Variants in ANKRD54 observed in about 807,000 individuals in gnomAD.
ANKRD54 encodes ankyrin repeat domain-containing protein 54.
In ANKRD54, 26 loss-of-function variants were observed where a neutral mutation model predicts 36.2. The observed-to-expected ratio is 0.72, with a 90% CI of 0.53 to 1.00. The LOEUF is 1.00. Ranked by LOEUF, ANKRD54 falls within the 50% of genes least tolerant of loss-of-function variation. The pLI is 0.00. For synonymous variants in ANKRD54, 209 were observed against 188.4 expected (o/e 1.11, Z -0.89); for missense variants, 384 against 424.3 (o/e 0.91, Z 0.83).
In ANKRD54 at chr22:37,843,900, GCGCCGCTCA is replaced by G. The variant is rs1924605466; in HGVS notation, c.328+2_328+10del. 1.6e-6 allele frequency: 2 copies of G among 1,221,170 alleles called. No individual in the cohort carries two copies. Among genetic ancestry groups the G allele is most frequent in the Non-Finnish European group, 2.0e-6 (2 of 982,740 alleles). The allele number at this position is 1,221,170 out of a possible 1,614,324, so 75.6% of individuals were successfully genotyped here. A position where few individuals can be genotyped will look rare whatever the true frequency, so the allele number is the denominator to read the frequency against. On this transcript the variant is annotated splice_donor_variant and splice_donor_5th_base_variant and intron_variant, in intron 1 of 7. Coordinates refer to ENST00000215941, the MANE Select transcript of ANKRD54 (RefSeq NM_138797.4). LOFTEE classifies it high-confidence loss of function. ...CCCGCCCCGGGCCCCCGCGCCGCTC[GCGCCGCTCA>G]CCGTGCACCTCCTTGCCCGTGGGCC...
upstream of ANKRD54, chr22:37,847,877 G>A: frequency 3.3e-6 from 1 of 302,242 alleles, no homozygotes; most frequent in East Asian, 1.1e-4. Context: ...GCTGGGCATT[G>A]CAATTCTCAA....
chr22:37,844,271 G>C lies in ANKRD54; in HGVS notation c.-33C>G. The C allele has an allele frequency of 2.6e-6, 4 of 1,542,326 alleles. No homozygotes were observed. Among genetic ancestry groups the C allele is most frequent in the Non-Finnish European group, 3.5e-6 (4 of 1,152,438 alleles). ...GCTCCGCGCGGGCCTGGCCGCCTGA[G>C]CCTCGTTCCCGACCGACCAACGGAC... On this transcript the variant is annotated 5_prime_UTR_variant, in exon 1 of 8. Coordinates refer to ENST00000215941, the MANE Select transcript of ANKRD54 (RefSeq NM_138797.4).
intron 2 of ANKRD54, 35 bp downstream of exon 2, chr22:37,840,152 G>A (rs1268989741): frequency 9.3e-6 from 15 of 1,613,610 alleles, no homozygotes; most frequent in Non-Finnish European, 1.3e-5. Context: ...ACCAGCCCAT[G>A]GGACCCTGTA....
At chr22:37,846,001 C>T (rs1460666611), upstream of ANKRD54, among the ~76,000 whole-genome samples, 1 of 151,992 alleles carries the variant, frequency 6.6e-6, no homozygotes, top group Non-Finnish European at 1.5e-5. Context: ...GGTGAAACCC[C>T]GTCTCTACTA....
At chr22:37,840,549 A>G (rs981689386) in intron 1 of ANKRD54, among the ~76,000 whole-genome samples, 5 of 151,660 alleles carry the variant, frequency 3.3e-5, no homozygotes, top group African/African-American at 7.3e-5. Context: ...ACAGAGTGAG[A>G]CTCCGTCTCA....
Position 37,832,787 on chromosome 22 carries a change from G to A in ANKRD54, c.721-43C>T, listed in dbSNP as rs374445707. 15 of 1,609,102 alleles carry A rather than the reference G, an allele frequency of 9.3e-6. No individual in the cohort carries two copies. The African/African-American group carries it at 1.6e-4, about 17-fold the overall frequency. On this transcript the variant is annotated intron_variant, in intron 6 of 7. Coordinates refer to ENST00000215941, the MANE Select transcript of ANKRD54 (RefSeq NM_138797.4). ...GCTGAGCTGCCTGGGTTCCTAGGGA[G>A]GCAGACAGGCTGATGCTGCTTCCAA...
chr22:37,843,364 A>T (rs536187900), intron 1 of ANKRD54, among the ~76,000 whole-genome samples: 131 of 152,342 alleles, frequency 8.6e-4, no homozygotes, highest in Non-Finnish European at 1.6e-3. Flanking sequence ...CGGAGGTTGC[A>T]GTGAACCAAG....
chr22:37,832,068 T>C, intron 7 of ANKRD54, 51 bp from the exon 8 acceptor site: 1 of 1,540,994 alleles, frequency 6.5e-7, no homozygotes, highest in African/African-American at 1.4e-5. Context: ...GTGCCAGGGC[T>C]CCTGGGTCTC....
In ANKRD54 at chr22:37,841,848, A is replaced by AAAATAAAT. The variant is rs56891536; in HGVS notation, c.329-1622_329-1615dup. Among the ~76,000 whole-genome samples, 1,002 of 137,826 alleles carry AAAATAAAT rather than the reference A, an allele frequency of 7.3e-3. 6 individuals carry two copies. Among genetic ancestry groups the AAAATAAAT allele is most frequent in the Non-Finnish European group, 0.01 (667 of 65,642 alleles). 90.4% of individuals were successfully genotyped at this position (137,826 alleles called of 152,430 possible). On this transcript the variant is annotated intron_variant, in intron 1 of 7. Coordinates refer to ENST00000215941, the MANE Select transcript of ANKRD54 (RefSeq NM_138797.4). ...GGGCAATAGAGCAAGACTCTGTCTCAAAATAAATAAATAAATAAATAAATA... is the reference window on the plus strand; with the variant it reads ...GGGCAATAGAGCAAGACTCTGTCTCAAAATAAATAAATAAATAAATAAATAAATAAATA...
At chr22:37,833,268 A>T in intron 4 of ANKRD54, 62 bp from the exon 5 acceptor site, 2 of 1,592,142 alleles carry the variant, frequency 1.3e-6, no homozygotes, top group Non-Finnish European at 1.7e-6. Flanking sequence ...CTGCGTGGCC[A>T]CTGGAGGGAG....
At chr22:37,846,923 G>A (rs1313508193), upstream of ANKRD54, among the ~76,000 whole-genome samples, 1 of 149,782 alleles carries the variant, frequency 6.7e-6, no homozygotes, top group African/African-American at 2.5e-5. Flanking sequence ...GCAGGATCTC[G>A]GCTCACTGCA....
chr22:37,838,635 A>G (rs778413643), intron 2 of ANKRD54, 37 bp from the exon 3 acceptor site: 2 of 1,582,540 alleles, frequency 1.3e-6, no homozygotes, highest in South Asian at 1.1e-5. Flanking sequence ...AGGGGGAGAA[A>G]GCGGCGATGT....
chr22:37,833,822 C>G (rs1166019282), intron 3 of ANKRD54, 67 bp from the exon 4 acceptor site: 12 of 1,485,982 alleles, frequency 8.1e-6, no homozygotes, highest in African/African-American at 1.4e-5. Flanking sequence ...AACCCCTAAC[C>G]TAGCTAGAGA....
Position 37,835,749 on chromosome 22 carries a change from T to C in ANKRD54, c.476-1994A>G, listed in dbSNP as rs180760065. ...TGAGCCTAGGAGATTGAGGCTGCAG[T>C]GGGCAGTGATCAGGCCACTGCACGT... On this transcript the variant is annotated intron_variant, in intron 3 of 7. Transcript: ENST00000215941. Among the ~76,000 whole-genome samples, 8 of 152,212 alleles carry C rather than the reference T, an allele frequency of 5.3e-5. No individual in the cohort carries two copies. The East Asian group carries it at 1.5e-3, about 29-fold the overall frequency.
intron 4 of ANKRD54, 133 bp downstream of exon 4, chr22:37,833,551 C>T: frequency 1.0e-6 from 1 of 969,876 alleles, no homozygotes; most frequent in Admixed American, 2.1e-5. Flanking sequence ...CAGTGCAGCC[C>T]TGGGAGTGCA....
chr22:37,841,892 T>TAAATAAAAA (rs1924319595), intron 1 of ANKRD54, among the ~76,000 whole-genome samples: 1 of 30,518 alleles, frequency 3.3e-5, no homozygotes, highest in African/African-American at 1.3e-4. Context: ...AATAAATAAA[T>TAAATAAAAA]AAATAAAATA....
upstream of ANKRD54, among the ~76,000 whole-genome samples, chr22:37,847,145 G>A (rs557573789): frequency 8.6e-5 from 13 of 151,142 alleles, no homozygotes; most frequent in South Asian, 1.7e-3. Context: ...GAGCCACCGC[G>A]CCCGGCCAAT....
intron 2 of ANKRD54, 51 bp from the exon 3 acceptor site, chr22:37,838,649 C>T (rs554207805): frequency 1.5e-5 from 23 of 1,559,642 alleles, no homozygotes; most frequent in Non-Finnish European, 1.9e-5. Context: ...GCGATGTTAG[C>T]TAAGCTGCAG....
At chr22:37,839,178 A>G (rs1352186351) in intron 2 of ANKRD54, among the ~76,000 whole-genome samples, 2 of 151,832 alleles carry the variant, frequency 1.3e-5, no homozygotes, top group African/African-American at 2.4e-5. Flanking sequence ...CCCGGCCCGA[A>G]AAAATGTTTA....
Sources: allele counts gnomAD v4.1 joint callset (sites outside exome capture counted in the v4.1 genomes callset), GRCh38; gene constraint gnomAD v4.1.1; transcripts MANE v1.5; gene names NCBI Gene and HGNC (gene_info 2026-07-23, HGNC 2026-07-21).